The following GLG1 variants were observed in gnomAD, a reference collection of about 807,000 sequenced individuals.
The protein encoded by GLG1 is golgi glycoprotein 1, also known as Golgi apparatus protein 1.
Under a neutral mutation model 160.5 loss-of-function variants are expected in GLG1, and 38 were observed. That is an observed-to-expected ratio of 0.24 (90% CI 0.18 to 0.31). The LOEUF (loss-of-function observed/expected upper bound fraction) is 0.31. Ranked by LOEUF, GLG1 falls within the 10% of genes least tolerant of loss-of-function variation. GLG1 has a pLI of 1.00. For synonymous variants in GLG1, 644 were observed against 543.4 expected, an observed-to-expected ratio of 1.19 and a Z score of -2.57; for missense variants, 1,373 against 1,505.2, an observed-to-expected ratio of 0.91 and a Z score of 1.45.
At chr16:74,555,829 C>CT (rs920559046) in intron 1 of GLG1, among the ~76,000 whole-genome samples, 7,983 of 142,690 alleles carry the variant, frequency 0.056, 468 homozygotes, top group African/African-American at 0.13. Context: ...GATAATTCAT[C>CT]TTTTTTTTTT....
intron 10 of GLG1, among the ~76,000 whole-genome samples, chr16:74,481,853 C>T (rs139495155): frequency 9.9e-4 from 150 of 152,154 alleles, no homozygotes; most frequent in Middle Eastern, 6.8e-3. Context: ...GGCGCGATAT[C>T]GGCTCAGGGC....
intron 2 of GLG1, among the ~76,000 whole-genome samples, chr16:74,529,822 T>TG (rs1484450549): frequency 7.1e-6 from 1 of 139,998 alleles, no homozygotes; most frequent in African/African-American, 2.7e-5. Flanking sequence ...CTTTTTTTTT[T>TG]TTTTTTTTTT....
intron 19 of GLG1, 137 bp from the exon 20 acceptor site, chr16:74,463,616 G>A: frequency 1.3e-6 from 1 of 774,438 alleles, no homozygotes; most frequent in South Asian, 1.7e-5. Flanking sequence ...TCGGCTTACT[G>A]CAACCTCCGC....
intron 2 of GLG1, among the ~76,000 whole-genome samples, chr16:74,516,804 C>A (rs1032180888): frequency 6.6e-6 from 1 of 152,112 alleles, no homozygotes; most frequent in Non-Finnish European, 1.5e-5. Context: ...AATAGATAGA[C>A]TGCTAGCAAG....
intron 8 of GLG1, among the ~76,000 whole-genome samples, 182 bp downstream of exon 8, chr16:74,490,819 C>T (rs2015954571): frequency 6.6e-6 from 1 of 152,166 alleles, no homozygotes; most frequent in Non-Finnish European, 1.5e-5. Flanking sequence ...TGCTCTGTAG[C>T]AAATGTCACA....
At chr16:74,548,674 G>A (rs1260035834) in intron 1 of GLG1, among the ~76,000 whole-genome samples, 2 of 151,834 alleles carry the variant, frequency 1.3e-5, no homozygotes, top group Non-Finnish European at 2.9e-5. Context: ...ATTCCCATAA[G>A]ACTATTAGAT....
At chr16:74,551,788 GAAGA>G (rs1305407026) in intron 1 of GLG1, among the ~76,000 whole-genome samples, 1 of 152,010 alleles carries the variant, frequency 6.6e-6, no homozygotes, top group East Asian at 1.9e-4. Flanking sequence ...TTACTGGGGA[GAAGA>G]AAGAGAAGGG....
intron 2 of GLG1, among the ~76,000 whole-genome samples, chr16:74,513,995 C>T (rs1023838600): frequency 9.2e-5 from 14 of 151,984 alleles, no homozygotes; most frequent in African/African-American, 3.1e-4. Context: ...GTGAAGCATA[C>T]GTAAGCTTCA....
intron 1 of GLG1, among the ~76,000 whole-genome samples, chr16:74,535,428 G>GCATT (rs1412961687): frequency 6.6e-6 from 1 of 152,094 alleles, no homozygotes; most frequent in Non-Finnish European, 1.5e-5. Flanking sequence ...TCTTATTTTT[G>GCATT]CATTCATTCA....
chr16:74,530,515 A>T (rs891267747), intron 2 of GLG1, among the ~76,000 whole-genome samples: 1 of 152,204 alleles, frequency 6.6e-6, no homozygotes, highest in African/African-American at 2.4e-5. Context: ...TGTTTCAATA[A>T]AATTTTATGT....
chr16:74,509,869 G>A (rs1330383409), intron 2 of GLG1, among the ~76,000 whole-genome samples: 1 of 149,954 alleles, frequency 6.7e-6, no homozygotes, highest in Non-Finnish European at 1.5e-5. Context: ...AAAAAAATTT[G>A]TAGAGATGGG....
chr16:74,467,190 A>G (rs79708837), intron 18 of GLG1, among the ~76,000 whole-genome samples: 2,816 of 152,366 alleles, frequency 0.018, 34 homozygotes, highest in Non-Finnish European at 0.027. Flanking sequence ...ACAAGAGGAC[A>G]ATGAAGTAAT....
intron 4 of GLG1, among the ~76,000 whole-genome samples, chr16:74,497,434 C>CTT (rs773526380): frequency 0.02 from 2,312 of 117,108 alleles, 89 homozygotes; most frequent in Non-Finnish European, 0.031. Context: ...ACAGTGCTTG[C>CTT]TTTTTTTTTT....
rs2014405181 is a variant in GLG1, at chr16:74,453,428, TTA to T, written c.3373-96_3373-95del. 1.5e-5 allele frequency: 11 copies of T among 742,928 alleles called. No individual in the cohort carries two copies. In the Admixed American group the frequency reaches 1.6e-4, roughly 11 times the overall value. The allele number at this position is 742,928 out of a possible 1,614,324, so 46.0% of individuals were successfully genotyped here. Reference sequence around the variant, plus strand: ...TATCCCTCTCAGTTCCTAGTTTAATTTATGTCTTTTCTTTTGGAGAGGGAGGG... The same window carrying T: ...TATCCCTCTCAGTTCCTAGTTTAATTTGTCTTTTCTTTTGGAGAGGGAGGG... On this transcript the variant is annotated intron_variant, in intron 25 of 25. Transcript: ENST00000422840.
chr16:74,477,977 AAAATAAATAAAT>A (rs140504819), intron 11 of GLG1, among the ~76,000 whole-genome samples: 1 of 140,148 alleles, frequency 7.1e-6, no homozygotes, highest in Non-Finnish European at 1.5e-5. Context: ...CCGTCTCAAA[AAAATAAATAAAT>A]AAATAAATAA....
In GLG1 at chr16:74,449,624, TC is replaced by T. The variant is rs2014208374; in HGVS notation, c.*3542del. The T allele has an allele frequency of 1.3e-5, 2 of 152,198 alleles. No individual in the cohort carries two copies. The highest frequency in any genetic ancestry group is 6.5e-5 in the Admixed American group (1 of 15,270). The allele number at this position is 152,198 out of a possible 1,614,324, so 9.4% of individuals were successfully genotyped here. A position where few individuals can be genotyped will look rare whatever the true frequency, so the allele number is the denominator to read the frequency against. On this transcript the variant is annotated 3_prime_UTR_variant, in exon 26 of 26. Transcript: ENST00000422840. ...CCTGGCCAGCTGAGTGACTCACTGT[TC>T]CCAAGAAGAGTAAGGACAGCATGAG...
intron 2 of GLG1, among the ~76,000 whole-genome samples, chr16:74,530,114 G>C (rs138815977): frequency 0.013 from 1,983 of 152,154 alleles, 42 homozygotes; most frequent in African/African-American, 0.045. Flanking sequence ...GGCTCTTTGA[G>C]AGTTCCAAGG....
chr16:74,541,102 G>T (rs1296670020), intron 1 of GLG1, among the ~76,000 whole-genome samples: 1 of 152,084 alleles, frequency 6.6e-6, no homozygotes, highest in Non-Finnish European at 1.5e-5. Context: ...GAGGCGGGCA[G>T]ATCACAAGGT....
intron 8 of GLG1, among the ~76,000 whole-genome samples, chr16:74,488,770 C>A (rs541917587): frequency 6.6e-6 from 1 of 152,168 alleles, no homozygotes; most frequent in African/African-American, 2.4e-5. Context: ...CAGGTGCATG[C>A]CACCACGCCC....
Sources: gnomAD v4.1 joint callset for allele counts (sites outside exome capture counted in the v4.1 genomes callset) on GRCh38, gnomAD v4.1.1 for gene constraint, MANE v1.5 for transcripts, NCBI Gene and HGNC (gene_info 2026-07-23, HGNC 2026-07-21) for gene names.